TLR9: variants seen among roughly 807,000 people sequenced by gnomAD.
The protein encoded by TLR9 is toll like receptor 9.
In TLR9, 19 loss-of-function variants were observed where a neutral mutation model predicts 24.6. The ratio of observed to expected loss-of-function variants is 0.77; its 90% confidence interval spans 0.54 to 1.13. The LOEUF is 1.13. Ranked by LOEUF, TLR9 falls within the 50% of genes most tolerant of loss-of-function variation. The probability of loss-of-function intolerance (pLI) is 0.00; values close to 1 mark genes in which losing one functional copy is unlikely to be tolerated. For missense variants in TLR9, 1,065 were observed against 1,379.6 expected (o/e 0.77, Z 3.61); for synonymous variants, 579 against 609.8 (o/e 0.95, Z 0.74).
intron 1 of TLR9, 129 bp from the exon 2 acceptor site, chr3:52,224,441 C>A (rs1577981571): frequency 2.7e-6 from 2 of 746,834 alleles, no homozygotes; most frequent in South Asian, 3.6e-5. Flanking sequence ...TTCTTCCTGG[C>A]TGCCAAGCCC....
rs1699601110 is a variant in TLR9, at chr3:52,224,417, C to T, written c.4-105G>A. ...CATCTTCCAACCCCTCTCTCCAAGCCCTACCTGCAGAAGTTCTTCCTGGCT... is the reference window on the plus strand; with the variant it reads ...CATCTTCCAACCCCTCTCTCCAAGCTCTACCTGCAGAAGTTCTTCCTGGCT... On this transcript the variant is annotated intron_variant, in intron 1 of 1. Coordinates refer to ENST00000360658, the MANE Select transcript of TLR9 (RefSeq NM_017442.4). The T allele has an allele frequency of 2.4e-5, 22 of 907,812 alleles. No homozygotes were observed. In the South Asian group the frequency reaches 3.5e-4, roughly 14 times the overall value. The allele number at this position is 907,812 out of a possible 1,614,324, so 56.2% of individuals were successfully genotyped here. A position where few individuals can be genotyped will look rare whatever the true frequency, so the allele number is the denominator to read the frequency against.
At position 52,222,349 on chromosome 3, in the gene TLR9, T is replaced by C. The variant is rs758580734; in HGVS notation, c.1967A>G (p.Gln656Arg). 1.2e-6 allele frequency: 2 copies of C among 1,614,188 alleles called. No homozygotes were observed. Among genetic ancestry groups the C allele is most frequent in the Non-Finnish European group, 1.7e-6 (2 of 1,180,020 alleles). The change falls in exon 2 of 2, where the codon CAG (glutamine) becomes CGG (arginine). Residue 656 changes from glutamine (Q) to arginine (R), a missense_variant. Coordinates refer to ENST00000360658, the MANE Select transcript of TLR9 (RefSeq NM_017442.4). ...QTLRNLPKSL[Q>R]VLRLRDNYLA... The stretch of plus-strand genomic sequence containing the variant: ...GTAATTGTCACGGAGACGCAGCACC[T>C]GTAGGCTCTTGGGGAGGTTGCGCAG...
In TLR9 at chr3:52,222,015, C is replaced by T. The variant is rs371837205; in HGVS notation, c.2301G>A (p.Gly767=). 4.3e-6 allele frequency: 7 copies of T among 1,609,298 alleles called. No individual in the cohort carries two copies. The highest frequency in any genetic ancestry group is 5.9e-6 in the Non-Finnish European group (7 of 1,177,532). The change falls in exon 2 of 2, where the codon GGG becomes GGA. Residue 767 remains glycine, a synonymous_variant. Transcript: ENST00000360658. ...CCAGCAGGAAGTCCATAAAGGCCGC[C>T]CCACAGGCGCAGTGCAGAGGGTTGG... ...VSANPLHCAC[G]AAFMDFLLEV... is the part of the protein sequence containing the mutation.
At position 52,223,179 on chromosome 3, in the gene TLR9, G is replaced by A. The variant is rs184870923; in HGVS notation, c.1137C>T (p.Leu379=). Residue 379 remains leucine (L), a synonymous_variant, in exon 2 of 2, where the codon CTC becomes CTT. Transcript: ENST00000360658. ...CCAGTGGCCGGAGCGTGGTCTCATC[G>A]AGTGAGCGGAAGAAGATGCCGTGCA... is the stretch of plus-strand genomic sequence containing the variant. ...LDMHGIFFRS[L]DETTLRPLAR... The A allele has an allele frequency of 8.4e-5, 135 of 1,613,710 alleles. 1 individual carries two copies. The East Asian group carries it at 2.5e-3, about 30-fold the overall frequency.
At position 52,223,094 on chromosome 3, in the gene TLR9, G is replaced by T. The variant is rs745639056; in HGVS notation, c.1222C>A (p.Leu408Ile). The T allele has an allele frequency of 2.1e-5, 34 of 1,613,056 alleles. No homozygotes were observed. The highest frequency in any genetic ancestry group is 2.8e-5 in the Non-Finnish European group (33 of 1,179,500). The part of the protein sequence containing the change: ...LQMNFINQAQ[L>I]GIFRAFPGLR... The stretch of plus-strand genomic sequence containing the variant: ...CCAGGGAAGGCCCTGAAGATGCCGA[G>T]CTGGGCCTGGTTGATGAAGTTCATC... Residue 408 changes from leucine to isoleucine, a missense_variant, in exon 2 of 2, where the codon CTC (leucine) becomes ATC (isoleucine). By Grantham distance (5) the Leu-to-Ile change is conservative (BLOSUM62 2). Coordinates refer to ENST00000360658, the MANE Select transcript of TLR9 (RefSeq NM_017442.4).
At chr3:52,224,360 T>G (rs1405957389) in intron 1 of TLR9, 48 bp from the exon 2 acceptor site, 1 of 1,374,564 alleles carries the variant, frequency 7.3e-7, no homozygotes, top group Non-Finnish European at 1.0e-6. Flanking sequence ...CAGCTCTACC[T>G]CCACCCACTC....
At position 52,224,247 on chromosome 3, in the gene TLR9, G is replaced by A. The variant is rs1397946856; in HGVS notation, c.69C>T (p.Thr23=). 1 of 1,613,098 alleles carries A rather than the reference G, an allele frequency of 6.2e-7. No homozygotes were observed. Among genetic ancestry groups the A allele is most frequent in the Non-Finnish European group, 8.5e-7 (1 of 1,179,472 alleles). The change falls in exon 2 of 2, where the codon ACC becomes ACT. Residue 23 remains threonine (T), a synonymous_variant. Coordinates refer to ENST00000360658, the MANE Select transcript of TLR9 (RefSeq NM_017442.4). ...AGGCAGGCAAGGTACCCAGGGCCAG[G>A]GTCATGGCCAGCATGATGGCCTGCA... ...LLVQAIMLAM[T]LALGTLPAFL...
rs374117701 is a variant in TLR9, at chr3:52,222,901, G to A, written c.1415C>T (p.Thr472Ile). ...SSEDFRPNCS[T>I]LNFTLDLSRN... ...TGACAGATCCAAGGTGAAGTTGAGG[G>A]TGCTGCAGTTGGGCCTGAAGTCTTC... The change falls in exon 2 of 2, where the codon ACC (threonine) becomes ATC (isoleucine). Residue 472 changes from threonine (T) to isoleucine (I), a missense_variant. Transcript: ENST00000360658. 30 of 1,605,110 alleles carry A rather than the reference G, an allele frequency of 1.9e-5. No individual in the cohort carries two copies. Among genetic ancestry groups the A allele is most frequent in the African/African-American group, 8.0e-5 (6 of 74,800 alleles).
Position 52,221,756 on chromosome 3 carries a change from G to GCCA in TLR9, c.2557_2559dup (p.Trp853dup). ...CCACTTTGCCGCCCCCGCCAGGGAA[G>GCCA]CCAGGCCAGGCACAGGTGGAAGCAG... On this transcript the variant is annotated inframe_insertion, in exon 2 of 2. Coordinates refer to ENST00000360658, the MANE Select transcript of TLR9 (RefSeq NM_017442.4). The surrounding 1 kb of genome is among the most constrained non-coding windows in gnomAD (Gnocchi z 9.9). The GCCA allele has an allele frequency of 6.2e-7, 1 of 1,613,978 alleles. No homozygotes were observed. Among genetic ancestry groups the GCCA allele is most frequent in the East Asian group, 2.2e-5 (1 of 44,880 alleles).
Position 52,224,033 on chromosome 3 carries a change from T to C in TLR9, c.283A>G (p.Lys95Glu). Residue 95 changes from lysine (K) to glutamate (E), a missense_variant, in exon 2 of 2, where the codon AAG becomes GAG. Physicochemically the swap from Lys to Glu is moderately conservative, Grantham distance 56. Coordinates refer to ENST00000360658, the MANE Select transcript of TLR9 (RefSeq NM_017442.4). ...HLPSLRHLNL[K>E]WNCPPVGLSP... ...AGGCCAACCGGCGGGCAGTTCCACT[T>C]GAGGTTGAGATGCCGCAGGCTGGGC... The C allele has an allele frequency of 1.3e-6, 2 of 1,584,878 alleles. No homozygotes were observed. Among genetic ancestry groups the C allele is most frequent in the Non-Finnish European group, 1.7e-6 (2 of 1,161,528 alleles).
rs373294588 is a variant in TLR9 at position 52,224,342 on chromosome 3, C to A, written c.4-30G>T. On this transcript the variant is annotated intron_variant, in intron 1 of 1. Transcript: ENST00000360658. ...GGGGGTGGGAGGGCTGTGTGAGTGG[C>A]CGGCCCCCAGCTCTACCTCCACCCA... 7 of 1,530,510 alleles carry A rather than the reference C, an allele frequency of 4.6e-6. No homozygotes were observed. In the African/African-American group the frequency reaches 5.5e-5, roughly 12 times the overall value. The allele number at this position is 1,530,510 out of a possible 1,614,324, so 94.8% of individuals were successfully genotyped here. A position where few individuals can be genotyped will look rare whatever the true frequency, so the allele number is the denominator to read the frequency against.
rs1208364285 is a variant in TLR9 at position 52,223,710 on chromosome 3, G to A, written c.606C>T (p.Thr202=). 1 of 1,593,162 alleles carries A rather than the reference G, an allele frequency of 6.3e-7. No individual in the cohort carries two copies. Residue 202 remains threonine (T), a synonymous_variant, in exon 2 of 2, where the codon ACC becomes ACT. Coordinates refer to ENST00000360658, the MANE Select transcript of TLR9 (RefSeq NM_017442.4). ...PGALLGLGNL[T]HLSLKYNNLT... ...GGTTGTTGTACTTGAGTGACAGGTG[G>A]GTGAGGTTGCCCAGGCCAAGGAGGG... is the stretch of plus-strand genomic sequence containing the variant.
In TLR9 at chr3:52,222,741, C is replaced by T. The variant is rs1423993323; in HGVS notation, c.1575G>A (p.Val525=). 1.9e-6 allele frequency: 3 copies of T among 1,613,906 alleles called. No homozygotes were observed. The highest frequency in any genetic ancestry group is 1.7e-6 in the Non-Finnish European group (2 of 1,180,052). ...CCAGCTTATTGTGGGACAGGTCTAG[C>T]ACCTGCAGACCGGTCAGCGGCAGGA... ...SQFLPLTGLQ[V]LDLSHNKLDL... is the part of the protein sequence containing the mutation. Residue 525 remains valine, a synonymous_variant, in exon 2 of 2, where the codon GTG becomes GTA. Transcript: ENST00000360658.
Position 52,222,651 on chromosome 3 carries a change from G to A in TLR9, c.1665C>T (p.Asn555=). ...PRLEALDLSY[N]SQPFGMQGVG... ...CGCCCTGCATGCCAAAGGGCTGGCTGTTGTAGCTGAGGTCCAGGGCCTCCA... is the reference window on the plus strand; with the variant it reads ...CGCCCTGCATGCCAAAGGGCTGGCTATTGTAGCTGAGGTCCAGGGCCTCCA... Residue 555 remains asparagine, a synonymous_variant, in exon 2 of 2, where the codon AAC becomes AAT. Transcript: ENST00000360658. 2 of 1,613,854 alleles carry A rather than the reference G, an allele frequency of 1.2e-6. No homozygotes were observed. The highest frequency in any genetic ancestry group is 4.5e-5 in the East Asian group (2 of 44,872).
In TLR9 at chr3:52,222,638, C is replaced by T. The variant is rs201896507; in HGVS notation, c.1678G>A (p.Gly560Ser). The T allele has an allele frequency of 6.2e-7, 1 of 1,613,968 alleles. No individual in the cohort carries two copies. Among genetic ancestry groups the T allele is most frequent in the Non-Finnish European group, 8.5e-7 (1 of 1,179,904 alleles). The change falls in exon 2 of 2, where the codon GGC becomes AGC. Residue 560 changes from glycine (G) to serine (S), a missense_variant. Physicochemically the swap from Gly to Ser is moderately conservative, Grantham distance 56. Transcript: ENST00000360658. ...AAGTTGTGGCCCACGCCCTGCATGC[C>T]AAAGGGCTGGCTGTTGTAGCTGAGG... ...LDLSYNSQPF[G>S]MQGVGHNFSF...
In TLR9 at chr3:52,225,532, T is replaced by G; in HGVS notation, c.-3A>C. ...ACTGAGAGCTGTTGTCCTACCATGCTGGGGGGCAGGGGCTTCTCCAGAGGG... is the reference window on the plus strand; with the variant it reads ...ACTGAGAGCTGTTGTCCTACCATGCGGGGGGGCAGGGGCTTCTCCAGAGGG... On this transcript the variant is annotated 5_prime_UTR_variant, in exon 1 of 2. Coordinates refer to ENST00000360658, the MANE Select transcript of TLR9 (RefSeq NM_017442.4). The G allele has an allele frequency of 6.3e-7, 1 of 1,587,054 alleles. No homozygotes were observed.
At position 52,224,271 on chromosome 3, in the gene TLR9, C is replaced by A. The variant is rs200825997; in HGVS notation, c.45G>T (p.Val15=). The part of the protein sequence containing the change: ...RSALHPLSLL[V]QAIMLAMTLA... Reference sequence around the variant, plus strand: ...GGGTCATGGCCAGCATGATGGCCTGCACCAGGAGAGACAGCGGGTGCAGGG... The same window carrying A: ...GGGTCATGGCCAGCATGATGGCCTGAACCAGGAGAGACAGCGGGTGCAGGG... Residue 15 remains valine (V), a synonymous_variant, in exon 2 of 2, where the codon GTG becomes GTT. Transcript: ENST00000360658. The A allele has an allele frequency of 1.2e-6, 2 of 1,610,294 alleles. No individual in the cohort carries two copies. Among genetic ancestry groups the A allele is most frequent in the Non-Finnish European group, 1.7e-6 (2 of 1,178,252 alleles).
Position 52,222,477 on chromosome 3 carries a change from C to T in TLR9, c.1839G>A (p.Met613Ile), listed in dbSNP as rs909361016. 1 of 1,614,252 alleles carries T rather than the reference C, an allele frequency of 6.2e-7. No individual in the cohort carries two copies. ...LDFSGNALGHMWAEGDLYLHF... is the reference protein window; with the variant it reads ...LDFSGNALGHIWAEGDLYLHF... ...GCAGATAGAGGTCTCCCTCGGCCCA[C>T]ATATGGCCCAGTGCATTGCCGCTGA... Residue 613 changes from methionine (M) to isoleucine (I), a missense_variant, in exon 2 of 2, where the codon ATG (methionine) becomes ATA (isoleucine). Met to Ile is a conservative substitution (Grantham distance 10). Coordinates refer to ENST00000360658, the MANE Select transcript of TLR9 (RefSeq NM_017442.4).
Position 52,223,761 on chromosome 3 carries a change from C to T in TLR9, c.555G>A (p.Arg185=). The T allele has an allele frequency of 6.4e-7, 1 of 1,568,500 alleles. No homozygotes were observed. The highest frequency in any genetic ancestry group is 1.2e-5 in the South Asian group (1 of 83,926). Residue 185 remains arginine, a synonymous_variant, in exon 2 of 2, where the codon AGG becomes AGA. Coordinates refer to ENST00000360658, the MANE Select transcript of TLR9 (RefSeq NM_017442.4). The stretch of plus-strand genomic sequence containing the variant: ...CACCCGGGGCCACCTCCAGTGCCTG[C>T]CTGCAGGGGTTCTTGTAATAACAGT... The part of the protein sequence containing the change: ...DGNCYYKNPC[R]QALEVAPGAL...
Sources: gnomAD v4.1 joint callset for allele counts on GRCh38, gnomAD v4.1.1 for gene constraint, Gnocchi (gnomAD v3.1) non-coding constraint, MANE v1.5 for transcripts, NCBI Gene and HGNC (gene_info 2026-07-23, HGNC 2026-07-21) for gene names.